Variants in PRPF18 observed in about 807,000 individuals in gnomAD.
The protein encoded by PRPF18 is pre-mRNA processing factor 18, also known as pre-mRNA-splicing factor 18.
PRPF18 carries 38 observed loss-of-function variants against 46.5 expected under a neutral mutation model. That is an observed-to-expected ratio of 0.82 (90% CI 0.63 to 1.07). PRPF18 has a LOEUF of 1.07. Among genes scored for constraint, PRPF18 ranks in the 50% least tolerant of loss-of-function variants. The pLI is 0.00. For synonymous variants in PRPF18, 152 were observed against 146.7 expected, an observed-to-expected ratio of 1.04 and a Z score of -0.26; for missense variants, 263 against 410.0, an observed-to-expected ratio of 0.64 and a Z score of 3.10.
chr10:13,624,197 C>T (rs772400913), intron 9 of PRPF18, among the ~76,000 whole-genome samples: 10 of 152,284 alleles, frequency 6.6e-5, no homozygotes, highest in South Asian at 2.1e-4. Flanking sequence ...AGGCTGGTCT[C>T]GAACTCCTGA....
At position 13,610,116 on chromosome 10, in the gene PRPF18, G is replaced by C. The variant is rs1392810434; in HGVS notation, c.441G>C (p.Glu147Asp). 1 of 1,614,044 alleles carries C rather than the reference G, an allele frequency of 6.2e-7. No homozygotes were observed. The highest frequency in any genetic ancestry group is 8.5e-7 in the Non-Finnish European group (1 of 1,179,904). ...TCAATGAAATCGTCGGCGGTCAGGA[G>C]CCTGGAGAGGAAGACACACAGAATG... is the stretch of plus-strand genomic sequence containing the variant. ...QYLNEIVGGQ[E>D]PGEEDTQNDL... The change falls in exon 5 of 10, where the codon GAG (glutamate) becomes GAC (aspartate). Residue 147 changes from glutamate to aspartate, a missense_variant. Around this residue, in one of 4 missense-constraint regions of PRPF18, gnomAD observed 155 missense variants for 245.1 expected, o/e 0.63. Transcript: ENST00000378572.
intron 9 of PRPF18, among the ~76,000 whole-genome samples, chr10:13,621,253 A>C (rs1313694996): frequency 6.6e-6 from 1 of 152,224 alleles, no homozygotes; most frequent in Non-Finnish European, 1.5e-5. Context: ...TGTTCCCTCC[A>C]AACGTGACTT....
intron 8 of PRPF18, 55 bp downstream of exon 8, chr10:13,614,141 GTAATA>G (rs1292049848): frequency 2.1e-5 from 27 of 1,270,836 alleles, no homozygotes; most frequent in Non-Finnish European, 2.8e-5. Flanking sequence ...GGTTATGTAC[GTAATA>G]TAATGTTCAT....
intron 9 of PRPF18, among the ~76,000 whole-genome samples, chr10:13,619,476 C>A (rs1047127778): frequency 9.9e-5 from 15 of 152,174 alleles, no homozygotes; most frequent in Admixed American, 6.5e-4. Context: ...AAAACATTGC[C>A]CTTTTTGGCC....
intron 4 of PRPF18, among the ~76,000 whole-genome samples, chr10:13,608,023 G>A (rs753702563): frequency 8.5e-5 from 13 of 152,164 alleles, no homozygotes; most frequent in Non-Finnish European, 1.6e-4. Flanking sequence ...TGAGAGACAG[G>A]TGTGGTTACC....
chr10:13,587,206 C>T (rs2079886144), intron 1 of PRPF18, 54 bp downstream of exon 1: 4 of 1,553,852 alleles, frequency 2.6e-6, no homozygotes, highest in Middle Eastern at 1.7e-4. Context: ...GTATGTGTGT[C>T]GGGGTTTTGG....
At chr10:13,612,505 G>C (rs777200299) in intron 6 of PRPF18, among the ~76,000 whole-genome samples, 2 of 151,342 alleles carry the variant, frequency 1.3e-5, no homozygotes, top group Non-Finnish European at 2.9e-5. Flanking sequence ...GGCTGGTCTT[G>C]AACTCCTGAC....
At chr10:13,629,706 C>T (rs1219047646) in intron 9 of PRPF18, among the ~76,000 whole-genome samples, 5 of 152,240 alleles carry the variant, frequency 3.3e-5, no homozygotes, top group Non-Finnish European at 7.3e-5. Flanking sequence ...TTCTAAGATT[C>T]ATATACATCG....
downstream of PRPF18, among the ~76,000 whole-genome samples, chr10:13,633,064 T>C (rs1243140152): frequency 6.6e-6 from 1 of 152,202 alleles, no homozygotes; most frequent in Non-Finnish European, 1.5e-5. Context: ...TGTTGCAGCA[T>C]AGAGCCTGCA....
chr10:13,637,245 A>G, the PRPF18 span: 1 of 152,226 alleles, frequency 6.6e-6, no homozygotes, highest in African/African-American at 2.4e-5. Flanking sequence ...GTTATTGTCA[A>G]AGAGTTTTCC....
chr10:13,655,604 C>G, the PRPF18 span: 1 of 150,910 alleles, frequency 6.6e-6, no homozygotes, highest in East Asian at 2.0e-4. Context: ...CTAGGGCATC[C>G]AGGTTCTTCC....
chr10:13,652,666 C>T, the PRPF18 span, among the ~76,000 whole-genome samples: 2 of 152,196 alleles, frequency 1.3e-5, no homozygotes, highest in African/African-American at 4.8e-5. Context: ...GAAGTAGGAG[C>T]AGACACAGGA....
chr10:13,608,869 G>T (rs148000790), intron 4 of PRPF18, among the ~76,000 whole-genome samples: 13 of 152,166 alleles, frequency 8.5e-5, no homozygotes, highest in African/African-American at 3.1e-4. Flanking sequence ...TTATTTGGCC[G>T]TTGGCAAGTC....
In PRPF18 at chr10:13,600,284, C is replaced by A; in HGVS notation, c.185C>A (p.Ser62Ter). The change falls in exon 3 of 10, where the codon TCG becomes TAG. Residue 62 changes from serine to a stop codon, truncating the protein, a stop_gained. Coordinates refer to ENST00000378572, the MANE Select transcript of PRPF18 (RefSeq NM_003675.4). LOFTEE classifies it high-confidence loss of function. ...KEEDQKPLTS[S>*]NPVLELELAE... ...GAGGACCAGAAACCATTAACTTCATCGAATCCAGTGTTAGAACTTGAACTG... is the reference window on the plus strand; with the variant it reads ...GAGGACCAGAAACCATTAACTTCATAGAATCCAGTGTTAGAACTTGAACTG... 6.2e-7 allele frequency: 1 copy of A among 1,612,368 alleles called. No homozygotes were observed. The highest frequency in any genetic ancestry group is 8.5e-7 in the Non-Finnish European group (1 of 1,179,228).
intron 1 of PRPF18, among the ~76,000 whole-genome samples, chr10:13,593,773 G>A (rs929578134): frequency 2.0e-5 from 3 of 152,200 alleles, no homozygotes; most frequent in African/African-American, 4.8e-5. Flanking sequence ...CATGACTGGA[G>A]TTGGGAGGAA....
At chr10:13,650,236 C>CTTACAGAACCAACTGGT in the PRPF18 span, among the ~76,000 whole-genome samples, 1 of 152,178 alleles carries the variant, frequency 6.6e-6, no homozygotes, top group East Asian at 1.9e-4. Context: ...GTATAACTAA[C>CTTACAGAACCAACTGGT]TTACAGAACC....
At chr10:13,594,488 A>T (rs761515625) in intron 1 of PRPF18, among the ~76,000 whole-genome samples, 1 of 152,360 alleles carries the variant, frequency 6.6e-6, no homozygotes, top group Non-Finnish European at 1.5e-5. Flanking sequence ...AATCATTTCA[A>T]TGAACTTTTC....
chr10:13,618,775 A>C (rs1243966618), intron 9 of PRPF18, among the ~76,000 whole-genome samples: 2 of 152,146 alleles, frequency 1.3e-5, no homozygotes, highest in East Asian at 3.9e-4. Context: ...ACAATATCTG[A>C]CTCATGGTGG....
intron 6 of PRPF18, among the ~76,000 whole-genome samples, chr10:13,612,743 G>A (rs2080289410): frequency 6.7e-6 from 1 of 148,248 alleles, no homozygotes; most frequent in Non-Finnish European, 1.5e-5. Flanking sequence ...TCAACCTCCC[G>A]AGTGGTAGGG....
Sources: gnomAD v4.1 joint callset for allele counts (sites outside exome capture counted in the v4.1 genomes callset) on GRCh38, gnomAD v4.1.1 for gene constraint, gnomAD v4.1.1 regional missense constraint, MANE v1.5 for transcripts, NCBI Gene and HGNC (gene_info 2026-07-23, HGNC 2026-07-21) for gene names.